The following MYCBP2 variants were observed in gnomAD, a reference collection of about 807,000 sequenced individuals.
MYCBP2 encodes the protein E3 ubiquitin-protein ligase MYCBP2.
MYCBP2 carries 120 observed loss-of-function variants against 525.3 expected under a neutral mutation model. That is an observed-to-expected ratio of 0.23 (90% CI 0.20 to 0.27). The LOEUF (loss-of-function observed/expected upper bound fraction) is 0.27, where lower values mean the gene tolerates loss of function less well. Among genes scored for constraint, MYCBP2 ranks in the 10% least tolerant of loss-of-function variants. The probability of loss-of-function intolerance (pLI) is 1.00; values close to 1 mark genes in which losing one functional copy is unlikely to be tolerated. For synonymous variants in MYCBP2, 1,894 were observed against 1,955.8 expected (o/e 0.97, Z 0.83); for missense variants, 4,149 against 5,657.1 (o/e 0.73, Z 8.55).
chr13:77,151,042 G>T (rs574313320), intron 46 of MYCBP2, 93 bp from the exon 47 acceptor site: 4 of 1,020,398 alleles, frequency 3.9e-6, no homozygotes, highest in South Asian at 3.0e-5. Context: ...TCATAATTAT[G>T]TATACTTTAT....
intron 37 of MYCBP2, among the ~76,000 whole-genome samples, chr13:77,172,845 G>A (rs896441963): frequency 2.6e-5 from 4 of 152,206 alleles, no homozygotes; most frequent in Non-Finnish European, 4.4e-5. Context: ...TGTATCACCT[G>A]AAATCTGACT....
intron 21 of MYCBP2, among the ~76,000 whole-genome samples, chr13:77,213,836 T>C (rs1471954983): frequency 6.6e-6 from 1 of 152,190 alleles, no homozygotes; most frequent in Non-Finnish European, 1.5e-5. Context: ...GACTCAAACC[T>C]TCAGCAGTGG....
chr13:77,270,648 AATG>A (rs2074742005), intron 5 of MYCBP2, 110 bp from the exon 6 acceptor site: 11 of 1,187,932 alleles, frequency 9.3e-6, no homozygotes, highest in African/African-American at 3.1e-5. Flanking sequence ...AATTGTTCAG[AATG>A]ATATTTCGCA....
chr13:77,212,235 T>G, intron 21 of MYCBP2, 75 bp from the exon 22 acceptor site: 1 of 1,304,870 alleles, frequency 7.7e-7, no homozygotes, highest in Non-Finnish European at 1.1e-6. Context: ...AAGGAGGCAG[T>G]AGATAAAAAT....
intron 50 of MYCBP2, among the ~76,000 whole-genome samples, chr13:77,140,480 A>C (rs981449749): frequency 1.8e-4 from 28 of 152,166 alleles, no homozygotes; most frequent in African/African-American, 6.0e-4. Context: ...TCAATTACCA[A>C]TATTTCATTT....
At chr13:77,237,410 C>T (rs1158714392) in intron 17 of MYCBP2, among the ~76,000 whole-genome samples, 2 of 151,672 alleles carry the variant, frequency 1.3e-5, no homozygotes, top group African/African-American at 4.8e-5. Flanking sequence ...TTAACATTTA[C>T]TTTGAGGGGG....
chr13:77,182,629 A>T (rs1362020876), intron 32 of MYCBP2, among the ~76,000 whole-genome samples: 3 of 152,212 alleles, frequency 2.0e-5, no homozygotes, highest in Non-Finnish European at 4.4e-5. Flanking sequence ...TCAGAGTGAG[A>T]GAGTAATTAA....
intron 8 of MYCBP2, among the ~76,000 whole-genome samples, chr13:77,267,049 C>T (rs1008679305): frequency 4.6e-5 from 7 of 152,034 alleles, no homozygotes; most frequent in Admixed American, 2.6e-4. Flanking sequence ...GATGGTCAAA[C>T]GCTTACAAGT....
Position 77,278,863 on chromosome 13 carries a change from G to T in MYCBP2, c.643C>A (p.Arg215=), listed in dbSNP as rs1264132680. 3.1e-6 allele frequency: 5 copies of T among 1,597,090 alleles called. No homozygotes were observed. Among genetic ancestry groups the T allele is most frequent in the Non-Finnish European group, 4.3e-6 (5 of 1,172,224 alleles). Residue 215 remains arginine, a synonymous_variant, in exon 4 of 83, where the codon CGA becomes AGA. Transcript: ENST00000544440. ...AGACACAGGGATGGATGAGAAAATC[G>T]TGTCTCTTTGATCAATTCAAAAACT... The part of the protein sequence containing the change: ...CEVFELIKET[R]FSHPSLCLRS...
At chr13:77,317,996 C>CATAACATAAA (rs1370461260) in intron 1 of MYCBP2, among the ~76,000 whole-genome samples, 1 of 148,850 alleles carries the variant, frequency 6.7e-6, no homozygotes, top group African/African-American at 2.5e-5. Flanking sequence ...CATAACATAA[C>CATAACATAAA]ATAACATAAC....
Position 77,326,337 on chromosome 13 carries a change from G to A in MYCBP2, c.302+137C>T. 1.2e-6 allele frequency: 1 copy of A among 838,928 alleles called. No homozygotes were observed. Among genetic ancestry groups the A allele is most frequent in the Non-Finnish European group, 1.7e-6 (1 of 575,208 alleles). 52.0% of individuals were successfully genotyped at this position (838,928 alleles called of 1,614,324 possible). ...ATCTCGATAAGTGCTCCTGCCAACA[G>A]ACATCCAGAGCGGACTGAAAGCTCA... On this transcript the variant is annotated intron_variant, in intron 1 of 82. Coordinates refer to ENST00000544440, the MANE Select transcript of MYCBP2 (RefSeq NM_015057.5). The surrounding 1 kb of genome is among the most constrained non-coding windows in gnomAD (Gnocchi z 4.2).
rs375720710 is a variant in MYCBP2, at chr13:77,270,532, T to C, written c.952A>G (p.Thr318Ala). ...SHACQTIQVP[T>A]ILNSLQRSVQ... is the part of the protein sequence containing the mutation. ...CTTCTCTGTAGCGAATTTAGAATTGTTGGCACCTAATCAAAAGAGAAGAAA... is the reference window on the plus strand; with the variant it reads ...CTTCTCTGTAGCGAATTTAGAATTGCTGGCACCTAATCAAAAGAGAAGAAA... The change falls in exon 6 of 83, where the codon ACA (threonine) becomes GCA (alanine). Residue 318 changes from threonine (T) to alanine (A), a missense_variant. By Grantham distance (58) the Thr-to-Ala change is moderately conservative. Coordinates refer to ENST00000544440, the MANE Select transcript of MYCBP2 (RefSeq NM_015057.5). 1.6e-5 allele frequency: 25 copies of C among 1,600,348 alleles called. No individual in the cohort carries two copies. Among genetic ancestry groups the C allele is most frequent in the East Asian group, 6.7e-5 (3 of 44,606 alleles).
At chr13:77,320,832 A>G (rs898604904) in intron 1 of MYCBP2, among the ~76,000 whole-genome samples, 1 of 152,216 alleles carries the variant, frequency 6.6e-6, no homozygotes, top group African/African-American at 2.4e-5. Flanking sequence ...TTCCACTTAC[A>G]GGAAATACAG....
Position 77,205,524 on chromosome 13 carries a change from C to T in MYCBP2, c.3664G>A (p.Val1222Ile). The change falls in exon 25 of 83, where the codon GTA becomes ATA. Residue 1222 changes from valine to isoleucine, a missense_variant. Val to Ile is a conservative substitution (Grantham distance 29). Transcript: ENST00000544440. Reference protein sequence around the residue: ...VASTEEETQAVMKVYSKEDYS... With the variant: ...VASTEEETQAIMKVYSKEDYS... ...TCTTCTTTAGAATAAACCTTCATTA[C>T]TGCTTGAGTCTCTTCCTCTGTACTT... The T allele has an allele frequency of 6.2e-7, 1 of 1,613,676 alleles. No individual in the cohort carries two copies. The highest frequency in any genetic ancestry group is 8.5e-7 in the Non-Finnish European group (1 of 1,179,794).
intron 28 of MYCBP2, 111 bp from the exon 29 acceptor site, chr13:77,190,446 C>T (rs949651334): frequency 4.0e-5 from 27 of 667,804 alleles, no homozygotes; most frequent in South Asian, 8.6e-5. Context: ...CACTCTTTTA[C>T]ATAAAGAAAA....
At chr13:77,117,550 T>C (rs963231096) in intron 55 of MYCBP2, among the ~76,000 whole-genome samples, 2 of 152,168 alleles carry the variant, frequency 1.3e-5, no homozygotes, top group African/African-American at 4.8e-5. Flanking sequence ...TAAGTGTGAA[T>C]GTACTTTACC....
intron 17 of MYCBP2, among the ~76,000 whole-genome samples, chr13:77,238,188 A>C (rs1594212995): frequency 6.9e-6 from 1 of 145,896 alleles, no homozygotes; most frequent in East Asian, 2.0e-4. Flanking sequence ...GCTTGCAGTG[A>C]GCCGAGATAG....
intron 52 of MYCBP2, among the ~76,000 whole-genome samples, chr13:77,128,798 T>C (rs1049968580): frequency 1.8e-4 from 28 of 151,760 alleles, no homozygotes; most frequent in Admixed American, 7.2e-4. Flanking sequence ...CATTCTCAGA[T>C]GAACATTCAA....
At chr13:77,136,661 A>G (rs1009386634) in intron 52 of MYCBP2, among the ~76,000 whole-genome samples, 22 of 152,294 alleles carry the variant, frequency 1.4e-4, no homozygotes, top group African/African-American at 5.1e-4. Flanking sequence ...TCCTTCAAAC[A>G]ATATTTCAAA....
Sources: gnomAD v4.1 joint callset for allele counts (sites outside exome capture counted in the v4.1 genomes callset) on GRCh38, gnomAD v4.1.1 for gene constraint, Gnocchi (gnomAD v3.1) non-coding constraint, MANE v1.5 for transcripts, NCBI Gene and HGNC (gene_info 2026-07-23, HGNC 2026-07-21) for gene names.